The following KCNJ6 variants were observed in gnomAD, a reference collection of about 807,000 sequenced individuals.
KCNJ6 encodes potassium inwardly rectifying channel subfamily J member 6, also known as G protein-activated inward rectifier potassium channel 2.
In KCNJ6, 9 loss-of-function variants were observed where a neutral mutation model predicts 34.2. The observed-to-expected ratio is 0.26, with a 90% confidence interval of 0.16 to 0.46. The LOEUF (loss-of-function observed/expected upper bound fraction) is 0.46, where lower values mean the gene tolerates loss of function less well. Among genes scored for constraint, KCNJ6 ranks in the 20% least tolerant of loss-of-function variants. KCNJ6 has a pLI of 1.00. For synonymous variants in KCNJ6, 196 were observed against 207.1 expected (o/e 0.95, Z 0.46); for missense variants, 236 against 531.3 (o/e 0.44, Z 5.46).
chr21:37,668,676 G>A (rs907325842), intron 3 of KCNJ6, among the ~76,000 whole-genome samples: 13 of 152,174 alleles, frequency 8.5e-5, no homozygotes, highest in East Asian at 5.8e-4. Context: ...TGCCGCACCC[G>A]TGCTGGTTGG....
chr21:37,657,452 C>T (rs990300149), intron 3 of KCNJ6, among the ~76,000 whole-genome samples: 15 of 152,126 alleles, frequency 9.9e-5, no homozygotes, highest in African/African-American at 3.6e-4. Context: ...ACCTTCTCTG[C>T]CATAAGGACG....
chr21:37,673,325 C>T (rs1325191900), intron 3 of KCNJ6, among the ~76,000 whole-genome samples: 1 of 152,264 alleles, frequency 6.6e-6, no homozygotes, highest in East Asian at 1.9e-4. Context: ...TGGGAGGCTT[C>T]CATCTCCAGC....
At chr21:37,641,627 C>A (rs2054381318) in intron 3 of KCNJ6, among the ~76,000 whole-genome samples, 1 of 151,888 alleles carries the variant, frequency 6.6e-6, no homozygotes, top group Non-Finnish European at 1.5e-5. Flanking sequence ...GAGGGAACAG[C>A]ATTTGCAGGG....
At chr21:37,830,435 C>T (rs1331746739) in intron 2 of KCNJ6, among the ~76,000 whole-genome samples, 1 of 152,130 alleles carries the variant, frequency 6.6e-6, no homozygotes, top group African/African-American at 2.4e-5. Context: ...CTGGGGGTGA[C>T]TTTGCTCCCC....
chr21:37,681,756 C>G (rs570089817), intron 3 of KCNJ6, among the ~76,000 whole-genome samples: 1 of 141,600 alleles, frequency 7.1e-6, no homozygotes. Flanking sequence ...GTGACTCAAC[C>G]AGAAAGAGAG....
chr21:37,724,593 A>G (rs111807340), intron 2 of KCNJ6, among the ~76,000 whole-genome samples: 1,698 of 152,264 alleles, frequency 0.011, 30 homozygotes, highest in African/African-American at 0.039. Flanking sequence ...GAATGACCCA[A>G]TGGCGGTTGG....
intron 3 of KCNJ6, among the ~76,000 whole-genome samples, chr21:37,671,430 CCTT>C (rs1405687243): frequency 8.5e-5 from 13 of 152,330 alleles, no homozygotes; most frequent in African/African-American, 2.9e-4. Flanking sequence ...TGCCCTGTAC[CCTT>C]CTTCCTTCTG....
rs2054441234 is a variant in KCNJ6 at position 37,653,096 on chromosome 21, GC to G, written c.947-27613del. ...TTTAGCAGAGATCAGCAGCTCAAGT[GC>G]AGCTCACAGAAGGTCAATATTTGGC... On this transcript the variant is annotated intron_variant, in intron 3 of 3. Coordinates refer to ENST00000609713, the MANE Select transcript of KCNJ6 (RefSeq NM_002240.5). Among the ~76,000 whole-genome samples the G allele has an allele frequency of 2.6e-5, 4 of 152,152 alleles. No homozygotes were observed. The South Asian group carries it at 8.3e-4, about 32-fold the overall frequency.
chr21:37,771,390 C>G (rs531381025), intron 2 of KCNJ6, among the ~76,000 whole-genome samples: 1 of 152,132 alleles, frequency 6.6e-6, no homozygotes, highest in Non-Finnish European at 1.5e-5. Flanking sequence ...CAGCTTGTGC[C>G]CAAGAGTTTT....
intron 2 of KCNJ6, among the ~76,000 whole-genome samples, chr21:37,817,972 T>C (rs1367680462): frequency 6.6e-6 from 1 of 152,200 alleles, no homozygotes; most frequent in African/African-American, 2.4e-5. Context: ...CCTTGGGTAG[T>C]TATTGCTTTT....
intron 1 of KCNJ6, among the ~76,000 whole-genome samples, chr21:37,863,271 T>C (rs1601506813): frequency 6.6e-6 from 1 of 152,250 alleles, no homozygotes; most frequent in Non-Finnish European, 1.5e-5. Flanking sequence ...CAGAGATTGT[T>C]ACGCCTGACT....
At chr21:37,790,693 T>G (rs2055212668) in intron 2 of KCNJ6, among the ~76,000 whole-genome samples, 2 of 152,228 alleles carry the variant, frequency 1.3e-5, no homozygotes. Flanking sequence ...TATATGTGAC[T>G]AAGGGACTGT....
intron 1 of KCNJ6, among the ~76,000 whole-genome samples, chr21:37,898,713 C>T (rs1396660686): frequency 1.3e-5 from 2 of 152,174 alleles, no homozygotes; most frequent in Non-Finnish European, 2.9e-5. Flanking sequence ...GTTATGCATC[C>T]TGGGCAATAA....
intron 3 of KCNJ6, among the ~76,000 whole-genome samples, chr21:37,644,145 GT>G (rs1245233940): frequency 6.6e-6 from 1 of 152,190 alleles, no homozygotes; most frequent in East Asian, 1.9e-4. Context: ...AATACCACAT[GT>G]TCTCACTTAA....
chr21:37,769,884 G>A (rs1196298561), intron 2 of KCNJ6, among the ~76,000 whole-genome samples: 1 of 152,132 alleles, frequency 6.6e-6, no homozygotes, highest in Non-Finnish European at 1.5e-5. Flanking sequence ...TGCCATGTGA[G>A]GACAGTGTTC....
At chr21:37,874,698 G>A (rs115780406) in intron 1 of KCNJ6, among the ~76,000 whole-genome samples, 152 of 152,170 alleles carry the variant, frequency 1.0e-3, no homozygotes, top group African/African-American at 3.6e-3. Context: ...AACACTGGGA[G>A]GAATGATGGG....
At chr21:37,838,068 A>G (rs1265966588) in intron 2 of KCNJ6, among the ~76,000 whole-genome samples, 3 of 152,344 alleles carry the variant, frequency 2.0e-5, no homozygotes, top group African/African-American at 7.2e-5. Flanking sequence ...TTCCTTATGC[A>G]TTGAGAAACA....
chr21:37,663,365 C>T (rs2054498831), intron 3 of KCNJ6, among the ~76,000 whole-genome samples: 1 of 151,736 alleles, frequency 6.6e-6, no homozygotes, highest in African/African-American at 2.4e-5. Flanking sequence ...ATAGTTTTCC[C>T]AAATGTTTAA....
chr21:37,750,192 C>G (rs2054988324), intron 2 of KCNJ6, among the ~76,000 whole-genome samples: 2 of 152,150 alleles, frequency 1.3e-5, no homozygotes, highest in Non-Finnish European at 2.9e-5. Context: ...TCATCTTACA[C>G]CAGTTAGAAT....
Sources: allele counts gnomAD v4.1 joint callset (sites outside exome capture counted in the v4.1 genomes callset), GRCh38; gene constraint gnomAD v4.1.1; transcripts MANE v1.5; gene names NCBI Gene and HGNC (gene_info 2026-07-23, HGNC 2026-07-21).